DST: variants seen among roughly 807,000 people sequenced by gnomAD.
The protein encoded by DST is bullous pemphigoid antigen.
A neutral mutation model predicts 875.2 loss-of-function variants in DST; 253 were observed. The ratio of observed to expected loss-of-function variants is 0.29; its 90% CI spans 0.26 to 0.32. DST has a LOEUF of 0.32. Ranked by LOEUF, DST falls within the 10% of genes least tolerant of loss-of-function variation. The probability of loss-of-function intolerance (pLI) is 1.00; values close to 1 mark genes in which losing one functional copy is unlikely to be tolerated. For synonymous variants in DST, 3,124 were observed against 3,197.1 expected, an observed-to-expected ratio of 0.98 and a Z score of 0.77; for missense variants, 8,287 against 9,111.6, an observed-to-expected ratio of 0.91 and a Z score of 3.68.
At chr6:56,581,055 A>G (rs1342865494) in intron 49 of DST, among the ~76,000 whole-genome samples, 2 of 144,114 alleles carry the variant, frequency 1.4e-5, no homozygotes, top group East Asian at 2.0e-4. Context: ...ATTTATTAAA[A>G]AAAAAAAAAA....
chr6:56,562,297 C>CTGAGTGTTG, intron 55 of DST, 97 bp from the exon 56 acceptor site: 18 of 736,324 alleles, frequency 2.4e-5, no homozygotes, highest in Middle Eastern at 2.5e-4. Context: ...ACAGTAATCA[C>CTGAGTGTTG]ACATAAAACA....
In DST at chr6:56,478,034, C is replaced by A. The variant is rs111982388; in HGVS notation, c.21532-546G>T. ...AGAGGGCCAACTTTATAGGATATTT[C>A]ATGCTTCAAAAACTGTATTATACAA... On this transcript the variant is annotated intron_variant, in intron 90 of 103. Coordinates refer to ENST00000680361, the MANE Select transcript of DST (RefSeq NM_001374736.1). 2.4e-3 allele frequency among the ~76,000 whole-genome samples: 361 copies of A among 149,826 alleles called. 1 individual carries two copies. The highest frequency in any genetic ancestry group is 8.8e-3 in the African/African-American group (356 of 40,570).
intron 3 of DST, among the ~76,000 whole-genome samples, chr6:56,897,088 T>C (rs898637615): frequency 1.6e-4 from 25 of 152,202 alleles, no homozygotes; most frequent in African/African-American, 6.0e-4. Context: ...ATAATTTTTA[T>C]AGTATCAGGT....
chr6:56,717,376 C>G (rs1053042965), intron 5 of DST, among the ~76,000 whole-genome samples: 5 of 152,006 alleles, frequency 3.3e-5, no homozygotes, highest in Admixed American at 1.3e-4. Context: ...AGGCCACAGA[C>G]AGAAACTGGT....
At position 56,604,917 on chromosome 6, in the gene DST, A is replaced by C. The variant is rs1379245622; in HGVS notation, c.9711T>G (p.Pro3237=). 1 of 1,612,596 alleles carries C rather than the reference A, an allele frequency of 6.2e-7. No homozygotes were observed. Among genetic ancestry groups the C allele is most frequent in the Non-Finnish European group, 8.5e-7 (1 of 1,179,262 alleles). The part of the protein sequence containing the change: ...EKSTSTQKDS[P]LNDMIQSNDL... ...CATTGCTTTGGATCATGTCATTAAG[A>C]GGTGAGTCTTTTTGGGTACTAGTGG... Residue 3237 remains proline (P), a synonymous_variant, in exon 40 of 104, where the codon CCT becomes CCG. Coordinates refer to ENST00000680361, the MANE Select transcript of DST (RefSeq NM_001374736.1).
chr6:56,701,927 C>G lies in DST; in HGVS notation c.915G>C (p.Gln305His). The G allele has an allele frequency of 1.9e-6, 3 of 1,612,256 alleles. No homozygotes were observed. Among genetic ancestry groups the G allele is most frequent in the Non-Finnish European group, 1.7e-6 (2 of 1,178,852 alleles). ...EKGRMRFHRL[Q>H]NVQIALDYLK... is the part of the protein sequence containing the mutation. The stretch of plus-strand genomic sequence containing the variant: ...AATAGTCAAGTGCAATTTGTACATT[C>G]TGTAGTCTGTGAAAACGCATCCGAC... Residue 305 changes from glutamine (Q) to histidine (H), a missense_variant, in exon 8 of 104, where the codon CAG (glutamine) becomes CAC (histidine). Physicochemically the swap from Gln to His is conservative, Grantham distance 24. Around this residue, in one of 10 missense-constraint regions of DST, gnomAD observed 1,160 missense variants for 1,424.3 expected, o/e 0.81. Transcript: ENST00000680361.
At chr6:56,844,563 T>C (rs1165725223) in intron 4 of DST, among the ~76,000 whole-genome samples, 1 of 152,108 alleles carries the variant, frequency 6.6e-6, no homozygotes, top group East Asian at 1.9e-4. Flanking sequence ...TACCCAGGCA[T>C]GTAAATGGAT....
chr6:56,814,431 A>G (rs1169434099), intron 4 of DST, among the ~76,000 whole-genome samples: 3 of 152,228 alleles, frequency 2.0e-5, no homozygotes, highest in African/African-American at 7.2e-5. Context: ...ATGTCGCTGC[A>G]TTAAAAATTA....
chr6:56,707,960 G>A (rs912513744), intron 5 of DST, among the ~76,000 whole-genome samples: 2 of 152,162 alleles, frequency 1.3e-5, no homozygotes, highest in South Asian at 4.1e-4. Flanking sequence ...ATGAGGTCAG[G>A]AGTTTAAGAC....
intron 92 of DST, among the ~76,000 whole-genome samples, chr6:56,474,618 T>C (rs986388810): frequency 1.3e-5 from 2 of 152,186 alleles, no homozygotes; most frequent in Non-Finnish European, 2.9e-5. Flanking sequence ...AAATAACCTG[T>C]CTGTGCATCA....
intron 9 of DST, among the ~76,000 whole-genome samples, chr6:56,696,977 G>A (rs1263211451): frequency 6.6e-6 from 1 of 152,006 alleles, no homozygotes; most frequent in East Asian, 1.9e-4. Flanking sequence ...GTGATCACTT[G>A]TGTAGTGATA....
chr6:56,690,841 A>AGAGGAAGAAT (rs746739191), intron 9 of DST, among the ~76,000 whole-genome samples: 6 of 152,224 alleles, frequency 3.9e-5, no homozygotes, highest in Non-Finnish European at 8.8e-5. Context: ...CTCCAAGGTA[A>AGAGGAAGAAT]CAGGAAGAAT....
At chr6:56,615,140 T>G in intron 36 of DST, 5 of 1,067,446 alleles carry the variant, frequency 4.7e-6, no homozygotes, top group Non-Finnish European at 5.7e-6. Context: ...CATGACGTGC[T>G]CTTTCAGCGA....
At chr6:56,569,232 G>C (rs1031442408) in intron 54 of DST, among the ~76,000 whole-genome samples, 3 of 150,640 alleles carry the variant, frequency 2.0e-5, no homozygotes, top group Non-Finnish European at 4.4e-5. Context: ...GGCTGAGGCA[G>C]GAGAATGGCG....
chr6:56,557,290 C>G lies in DST; in HGVS notation c.14640+29G>C, dbSNP rs549607224. On this transcript the variant is annotated intron_variant, in intron 59 of 103. Transcript: ENST00000680361. The stretch of plus-strand genomic sequence containing the variant: ...TCTCAGTAAGTCAAATTGCTATGCA[C>G]GAGAGACAGGTTATTAGGTAATACT... The G allele has an allele frequency of 3.1e-5, 50 of 1,591,808 alleles. No individual in the cohort carries two copies. The East Asian group carries it at 9.2e-4, about 29-fold the overall frequency.
chr6:56,843,695 A>G, intron 4 of DST: 2 of 903,852 alleles, frequency 2.2e-6, no homozygotes, highest in Non-Finnish European at 2.6e-6. Context: ...CGCCGGGGAG[A>G]GAGGGAGGGA....
intron 82 of DST, 150 bp from the exon 83 acceptor site, chr6:56,494,330 A>G (rs1312378908): frequency 9.9e-6 from 6 of 603,782 alleles, no homozygotes; most frequent in Non-Finnish European, 1.6e-5. Flanking sequence ...ACTTTTCACT[A>G]CATTGAAACA....
intron 98 of DST, among the ~76,000 whole-genome samples, chr6:56,467,848 C>T (rs1217843720): frequency 1.3e-5 from 2 of 152,106 alleles, no homozygotes; most frequent in African/African-American, 2.4e-5. Context: ...GCTGACTGTG[C>T]TTTCAGTGAG....
intron 3 of DST, among the ~76,000 whole-genome samples, chr6:56,888,568 G>A (rs1226744781): frequency 6.6e-6 from 1 of 152,088 alleles, no homozygotes; most frequent in Admixed American, 6.5e-5. Context: ...CTACATATTT[G>A]AAAAGGAAAG....
Sources: gnomAD v4.1 joint callset for allele counts (sites outside exome capture counted in the v4.1 genomes callset) on GRCh38, gnomAD v4.1.1 for gene constraint, gnomAD v4.1.1 regional missense constraint, MANE v1.5 for transcripts, NCBI Gene and HGNC (gene_info 2026-07-23, HGNC 2026-07-21) for gene names.